SLC60A1: variants seen among roughly 807,000 people sequenced by gnomAD.
The protein encoded by SLC60A1 is solute carrier family 60 member 1, also known as major facilitator superfamily domain containing 4.
chr1:205,592,245 C>G, the SLC60A1 span: 1 of 1,614,154 alleles, frequency 6.2e-7, no homozygotes. Flanking sequence ...CAGCACCTTC[C>G]CCAGCATGCT....
chr1:205,581,568 C>T, the SLC60A1 span, among the ~76,000 whole-genome samples: 1 of 152,162 alleles, frequency 6.6e-6, no homozygotes, highest in African/African-American at 2.4e-5. The surrounding 1 kb of genome is among the most constrained non-coding windows in gnomAD (Gnocchi z 4.2). Context: ...GCCAGAGTGT[C>T]AGGTGGGGAG....
the SLC60A1 span, among the ~76,000 whole-genome samples, chr1:205,594,316 G>T: frequency 1.0e-3 from 153 of 152,196 alleles, no homozygotes; most frequent in African/African-American, 3.5e-3. Flanking sequence ...ATGTCACACA[G>T]TACAACTCGA....
chr1:205,579,170 C>T, the SLC60A1 span, among the ~76,000 whole-genome samples: 2 of 152,240 alleles, frequency 1.3e-5, no homozygotes, highest in Non-Finnish European at 2.9e-5. Context: ...CTGCCTGCTA[C>T]AGGGGTCATC....
chr1:205,588,469 CAAAAAAAAAAAA>C, the SLC60A1 span, among the ~76,000 whole-genome samples: 1 of 84,732 alleles, frequency 1.2e-5, no homozygotes, highest in Non-Finnish European at 2.1e-5. Flanking sequence ...GACTTCAAAT[CAAAAAAAAAAAA>C]AAAAAAAAAG....
chr1:205,602,893 T>A, the SLC60A1 span: 1 of 152,208 alleles, frequency 6.6e-6, no homozygotes, highest in Non-Finnish European at 1.5e-5. Flanking sequence ...AAGAGTACCT[T>A]TCCTAAAATA....
chr1:205,580,885 A>G, the SLC60A1 span: 2 of 1,613,854 alleles, frequency 1.2e-6, no homozygotes, highest in African/African-American at 2.7e-5. The surrounding 1 kb of genome is among the most constrained non-coding windows in gnomAD (Gnocchi z 5.0). Flanking sequence ...CAGGGACCCG[A>G]GTGTCCTATG....
the SLC60A1 span, among the ~76,000 whole-genome samples, chr1:205,589,845 C>T: frequency 5.3e-5 from 8 of 152,146 alleles, no homozygotes; most frequent in African/African-American, 9.7e-5. Context: ...GTAGTCCAGG[C>T]GCAAGAGGGA....
chr1:205,576,497 A>G, the SLC60A1 span, among the ~76,000 whole-genome samples: 25 of 152,354 alleles, frequency 1.6e-4, no homozygotes, highest in Middle Eastern at 0.017. Context: ...GGCTTGCCCA[A>G]GCCACATCTC....
chr1:205,587,147 A>G, the SLC60A1 span, among the ~76,000 whole-genome samples: 5 of 152,288 alleles, frequency 3.3e-5, no homozygotes, highest in Admixed American at 2.6e-4. Context: ...AGGGGTCCAC[A>G]TTACAGACTT....
chr1:205,586,153 C>T, the SLC60A1 span: 62 of 1,613,860 alleles, frequency 3.8e-5, no homozygotes, highest in East Asian at 8.0e-4. Context: ...GCCGGCTCCT[C>T]TCCATTCCCA....
At chr1:205,597,820 C>T in the SLC60A1 span, 35 of 1,613,730 alleles carry the variant, frequency 2.2e-5, no homozygotes, top group Middle Eastern at 6.6e-4. Flanking sequence ...CAGGAGTTGG[C>T]GAGATGGTGC....
At chr1:205,582,201 T>C in the SLC60A1 span, among the ~76,000 whole-genome samples, 7 of 152,166 alleles carry the variant, frequency 4.6e-5, no homozygotes, top group African/African-American at 7.2e-5. Context: ...GCAGTGTCAG[T>C]AGAACCTCTA....
At chr1:205,593,432 C>T in the SLC60A1 span, among the ~76,000 whole-genome samples, 5 of 46,172 alleles carry the variant, frequency 1.1e-4, no homozygotes, top group South Asian at 5.8e-4. Context: ...CCAGCCTGGG[C>T]GACAGGGCGA....
At chr1:205,592,316 C>T in the SLC60A1 span, 2 of 1,595,144 alleles carry the variant, frequency 1.3e-6, no homozygotes, top group Admixed American at 1.7e-5. Flanking sequence ...CCAGGAGGCG[C>T]GCTCTATCTA....
the SLC60A1 span, among the ~76,000 whole-genome samples, chr1:205,575,088 G>A: frequency 6.6e-6 from 1 of 152,152 alleles, no homozygotes; most frequent in Non-Finnish European, 1.5e-5. Flanking sequence ...AGCCTGGCCT[G>A]AGATAGAGTC....
At chr1:205,592,466 T>C in the SLC60A1 span, among the ~76,000 whole-genome samples, 1 of 152,084 alleles carries the variant, frequency 6.6e-6, no homozygotes, top group Non-Finnish European at 1.5e-5. Flanking sequence ...ATGTGCCATG[T>C]TGGTGTGCTG....
chr1:205,569,274 G>A, the SLC60A1 span: 9 of 1,547,636 alleles, frequency 5.8e-6, no homozygotes, highest in Middle Eastern at 2.0e-4. Context: ...GCTGGGCAGC[G>A]CCCTCGGGGG....
chr1:205,588,886 G>A, the SLC60A1 span, among the ~76,000 whole-genome samples: 1 of 149,762 alleles, frequency 6.7e-6, no homozygotes, highest in African/African-American at 2.4e-5. Flanking sequence ...AGGGCAGTGT[G>A]CCCCAGCACA....
At chr1:205,600,442 C>CT in the SLC60A1 span, 6 of 1,614,048 alleles carry the variant, frequency 3.7e-6, no homozygotes, top group African/African-American at 4.0e-5. Context: ...ATGGAAAACT[C>CT]TGAGTGCTAC....
Sources: allele counts gnomAD v4.1 joint callset (sites outside exome capture counted in the v4.1 genomes callset), GRCh38; gene constraint gnomAD v4.1.1; non-coding constraint Gnocchi (gnomAD v3.1); transcripts MANE v1.5; gene names NCBI Gene and HGNC (gene_info 2026-07-23, HGNC 2026-07-21).